Variants in TACR1 observed in about 807,000 individuals in gnomAD.
The protein encoded by TACR1 is substance-P receptor.
TACR1 carries 25 observed loss-of-function variants against 35.8 expected under a neutral mutation model. The observed-to-expected ratio is 0.70, with a 90% confidence interval of 0.51 to 0.98. The LOEUF (loss-of-function observed/expected upper bound fraction) is 0.98, where lower values mean the gene tolerates loss of function less well. Among genes scored for constraint, TACR1 ranks in the 50% least tolerant of loss-of-function variants. TACR1 has a pLI of 0.00. For missense variants in TACR1, 478 were observed against 522.9 expected (o/e 0.91, Z 0.84); for synonymous variants, 195 against 206.7 (o/e 0.94, Z 0.48).
intron 1 of TACR1, among the ~76,000 whole-genome samples, chr2:75,183,180 T>A (rs540902054): frequency 1.6e-3 from 240 of 152,312 alleles, no homozygotes; most frequent in African/African-American, 5.3e-3. Flanking sequence ...ACTTGACTTG[T>A]ATTAAAAATA....
rs1264139655 is a variant in TACR1 at position 75,154,406 on chromosome 2, G to GCGCGCGCGCGCGCGCGCGCACACA, written c.390-33639_390-33638insTGTGTGCGCGCGCGCGCGCGCGCG. On this transcript the variant is annotated intron_variant, in intron 1 of 4. Transcript: ENST00000305249. ...CAGGGAGATAATCAGCCAAGAGCGC[G>GCGCGCGCGCGCGCGCGCGCACACA]CACGCACACACACACACACACACAC... 2.9e-4 allele frequency: 23 copies of GCGCGCGCGCGCGCGCGCGCACACA among 78,508 alleles called. 1 individual carries two copies. Among genetic ancestry groups the GCGCGCGCGCGCGCGCGCGCACACA allele is most frequent in the Admixed American group, 5.1e-4 (4 of 7,838 alleles). The allele number at this position is 78,508 out of a possible 1,614,324, so 4.9% of individuals were successfully genotyped here. A position where few individuals can be genotyped will look rare whatever the true frequency, so the allele number is the denominator to read the frequency against.
At chr2:75,056,890 T>C (rs760945305) in intron 2 of TACR1, among the ~76,000 whole-genome samples, 9 of 152,272 alleles carry the variant, frequency 5.9e-5, no homozygotes, top group Non-Finnish European at 1.2e-4. Context: ...AACATAGAAA[T>C]AGGATCCAGC....
At chr2:75,151,999 T>A (rs1476697077) in intron 1 of TACR1, among the ~76,000 whole-genome samples, 1 of 152,032 alleles carries the variant, frequency 6.6e-6, no homozygotes, top group Non-Finnish European at 1.5e-5. Flanking sequence ...TTTTGGCCAA[T>A]TTCTCCCGTT....
chr2:75,111,267 T>A (rs1183238009), intron 2 of TACR1, among the ~76,000 whole-genome samples: 8 of 152,062 alleles, frequency 5.3e-5, no homozygotes, highest in Admixed American at 5.2e-4. Context: ...TTGAGGGTTA[T>A]GCATTGAAAG....
Position 75,162,690 on chromosome 2 carries a change from A to AT in TACR1, c.389+35855dup, listed in dbSNP as rs554907733. ...GGTCAATATGATGATATTTTTAGCAATTTTTTGTGCAGTATTTTTTGTCTG... is the reference window on the plus strand; with the variant it reads ...GGTCAATATGATGATATTTTTAGCAATTTTTTTGTGCAGTATTTTTTGTCTG... On this transcript the variant is annotated intron_variant, in intron 1 of 4. Coordinates refer to ENST00000305249, the MANE Select transcript of TACR1 (RefSeq NM_001058.4). Among the ~76,000 whole-genome samples, 506 of 152,250 alleles carry AT rather than the reference A, an allele frequency of 3.3e-3. 3 individuals are homozygous for AT. The highest frequency in any genetic ancestry group is 0.011 in the African/African-American group (457 of 41,562).
chr2:75,058,104 A>G (rs1030172979), intron 2 of TACR1, among the ~76,000 whole-genome samples: 5 of 152,218 alleles, frequency 3.3e-5, no homozygotes, highest in African/African-American at 1.2e-4. Context: ...TATTGCTTAG[A>G]TAAACCCCAT....
At chr2:75,184,648 GA>G (rs562119868) in intron 1 of TACR1, among the ~76,000 whole-genome samples, 6 of 150,262 alleles carry the variant, frequency 4.0e-5, no homozygotes, top group South Asian at 2.1e-4. Flanking sequence ...TAATCCATTA[GA>G]AAAAAAACCA....
chr2:75,096,605 T>C (rs1210750642), intron 2 of TACR1, among the ~76,000 whole-genome samples: 2 of 152,216 alleles, frequency 1.3e-5, no homozygotes, highest in Non-Finnish European at 2.9e-5. Flanking sequence ...CTTTGGTACA[T>C]ATTTAGAGCT....
intron 1 of TACR1, chr2:75,154,401 A>AGCGCACTCGCGC (rs1553380900): frequency 0.041 from 3,108 of 76,550 alleles, 307 homozygotes; most frequent in South Asian, 0.096. Context: ...ATCAGCCAAG[A>AGCGCACTCGCGC]GCGCGCACGC....
intron 2 of TACR1, among the ~76,000 whole-genome samples, chr2:75,065,978 C>T (rs973415771): frequency 1.3e-5 from 2 of 152,220 alleles, no homozygotes; most frequent in Admixed American, 6.5e-5. Flanking sequence ...ATTCTCTTTG[C>T]TGTGCCCTGA....
chr2:75,141,844 C>G (rs1006094992), intron 1 of TACR1, among the ~76,000 whole-genome samples: 2 of 152,178 alleles, frequency 1.3e-5, no homozygotes, highest in Non-Finnish European at 2.9e-5. Context: ...TTAGTAGACT[C>G]TCTCTGGTTT....
chr2:75,125,885 A>G (rs768879865), intron 1 of TACR1, among the ~76,000 whole-genome samples: 45 of 152,320 alleles, frequency 3.0e-4, no homozygotes, highest in Middle Eastern at 3.4e-3. Flanking sequence ...TGTGTTGACT[A>G]TACGTTGGGA....
At chr2:75,128,405 C>T (rs1434966212) in intron 1 of TACR1, among the ~76,000 whole-genome samples, 2 of 152,040 alleles carry the variant, frequency 1.3e-5, no homozygotes, top group Non-Finnish European at 2.9e-5. Context: ...GCCAGGGCTA[C>T]CATAAAAATA....
At chr2:75,092,281 A>AG (rs1444517218) in intron 2 of TACR1, among the ~76,000 whole-genome samples, 4 of 150,928 alleles carry the variant, frequency 2.7e-5, no homozygotes, top group South Asian at 4.2e-4. Context: ...AATTTTAAAA[A>AG]CCTCCCTGCT....
At chr2:75,167,020 A>G (rs1675160141) in intron 1 of TACR1, among the ~76,000 whole-genome samples, 1 of 152,252 alleles carries the variant, frequency 6.6e-6, no homozygotes, top group Non-Finnish European at 1.5e-5. Context: ...TATGCTCACA[A>G]TAGCAATAAA....
chr2:75,098,082 A>G (rs1673460943), intron 2 of TACR1, among the ~76,000 whole-genome samples: 1 of 152,180 alleles, frequency 6.6e-6, no homozygotes, highest in African/African-American at 2.4e-5. Context: ...AATAATACAC[A>G]TACCATAGAA....
At chr2:75,135,028 T>C (rs763803060) in intron 1 of TACR1, among the ~76,000 whole-genome samples, 10 of 152,166 alleles carry the variant, frequency 6.6e-5, no homozygotes, top group Non-Finnish European at 1.2e-4. Context: ...AAATAGGCTC[T>C]CCAGAAAGTA....
At chr2:75,135,741 T>A (rs1674274675) in intron 1 of TACR1, among the ~76,000 whole-genome samples, 1 of 152,144 alleles carries the variant, frequency 6.6e-6, no homozygotes, top group Non-Finnish European at 1.5e-5. Flanking sequence ...AGCATGATGA[T>A]TGCTGAAACT....
At chr2:75,075,705 A>G (rs1390251513) in intron 2 of TACR1, among the ~76,000 whole-genome samples, 1 of 152,252 alleles carries the variant, frequency 6.6e-6, no homozygotes, top group African/African-American at 2.4e-5. Flanking sequence ...TTAAACAGCA[A>G]CAATAACAAC....
Sources: gnomAD v4.1 joint callset for allele counts (sites outside exome capture counted in the v4.1 genomes callset) on GRCh38, gnomAD v4.1.1 for gene constraint, MANE v1.5 for transcripts, NCBI Gene and HGNC (gene_info 2026-07-23, HGNC 2026-07-21) for gene names.